SMG6: variants seen among roughly 807,000 people sequenced by gnomAD.
SMG6 encodes the protein telomerase-binding protein EST1A.
SMG6 carries 66 observed loss-of-function variants against 142.2 expected under a neutral mutation model. That is an observed-to-expected ratio of 0.46 (90% confidence interval 0.38 to 0.57). SMG6 has a LOEUF of 0.57. SMG6 is among the 20% of genes least tolerant of loss of function. The pLI, the probability that SMG6 is intolerant of heterozygous loss-of-function variation, is 0.00. For missense variants in SMG6, 1,793 were observed against 1,832.0 expected (o/e 0.98, Z 0.39); for synonymous variants, 779 against 702.4 (o/e 1.11, Z -1.72).
intron 13 of SMG6, chr17:2,127,444 A>G: frequency 1.2e-6 from 1 of 830,046 alleles, no homozygotes; most frequent in Non-Finnish European, 2.0e-6. Context: ...CAGGTGATAA[A>G]ATCCCAGAGC....
At chr17:2,212,651 A>G (rs551215653) in intron 10 of SMG6, 3 of 152,402 alleles carry the variant, frequency 2.0e-5, no homozygotes, top group Admixed American at 1.3e-4. Flanking sequence ...TCAGGCACCA[A>G]CCCTTCATAG....
chr17:2,159,045 G>A (rs1384775798), intron 13 of SMG6, among the ~76,000 whole-genome samples: 1 of 152,062 alleles, frequency 6.6e-6, no homozygotes, highest in Non-Finnish European at 1.5e-5. Context: ...ATGGCCAACA[G>A]ATTAGAACAT....
chr17:2,076,583 C>T (rs1241174718), intron 15 of SMG6, among the ~76,000 whole-genome samples: 1 of 152,218 alleles, frequency 6.6e-6, no homozygotes, highest in Non-Finnish European at 1.5e-5. Context: ...GTTTTACAGC[C>T]ACCTCGGCAC....
At chr17:2,090,181 TCAA>T (rs1567589222) in intron 13 of SMG6, among the ~76,000 whole-genome samples, 1 of 46,170 alleles carries the variant, frequency 2.2e-5, no homozygotes, top group Admixed American at 3.3e-4. Flanking sequence ...AGACTCTGTC[TCAA>T]AAAAAAAAAA....
chr17:2,064,177 GACAAGAGACC>G (rs2067869002), intron 18 of SMG6, among the ~76,000 whole-genome samples: 1 of 152,142 alleles, frequency 6.6e-6, no homozygotes, highest in Admixed American at 6.5e-5. Flanking sequence ...GAAAGGCAAT[GACAAGAGACC>G]ACTTATAGGT....
intron 13 of SMG6, among the ~76,000 whole-genome samples, chr17:2,136,475 G>A (rs1399248242): frequency 2.6e-5 from 4 of 152,040 alleles, no homozygotes; most frequent in Non-Finnish European, 5.9e-5. Flanking sequence ...AAATATCTGT[G>A]GCAAAATGTT....
chr17:2,196,377 G>A (rs1029681844), intron 10 of SMG6, among the ~76,000 whole-genome samples: 12 of 152,164 alleles, frequency 7.9e-5, no homozygotes, highest in Non-Finnish European at 1.3e-4. Context: ...GCAGTGAGCC[G>A]AGAATGCGTC....
Position 2,103,883 on chromosome 17 carries a change from T to C in SMG6, c.3358-17982A>G, listed in dbSNP as rs1287631264. ...GTAAGAAGTCGTCTCAAGATTAGTC[T>C]GCCAGCAACACCTCTGTGATGGCAC... On this transcript the variant is annotated intron_variant, in intron 13 of 18. Transcript: ENST00000263073. 3.9e-5 allele frequency among the ~76,000 whole-genome samples: 6 copies of C among 151,998 alleles called. No homozygotes were observed. The East Asian group carries it at 1.2e-3, about 29-fold the overall frequency.
intron 7 of SMG6, among the ~76,000 whole-genome samples, chr17:2,283,089 A>G (rs531342999): frequency 6.6e-6 from 1 of 152,218 alleles, no homozygotes; most frequent in African/African-American, 2.4e-5. Flanking sequence ...AGAATCACTT[A>G]AATCCGGGAG....
intron 10 of SMG6, among the ~76,000 whole-genome samples, chr17:2,231,153 G>A (rs1224009465): frequency 6.6e-6 from 1 of 152,272 alleles, no homozygotes; most frequent in East Asian, 1.9e-4. Context: ...CACCACAGAG[G>A]AGCATACTGC....
At chr17:2,108,216 A>G (rs1207415167) in intron 13 of SMG6, among the ~76,000 whole-genome samples, 1 of 152,236 alleles carries the variant, frequency 6.6e-6, no homozygotes, top group Non-Finnish European at 1.5e-5. Context: ...AGAAGGAGAC[A>G]TGGGAATCTG....
At chr17:2,174,199 G>C (rs9906968) in intron 12 of SMG6, among the ~76,000 whole-genome samples, 53,887 of 151,992 alleles carry the variant, frequency 0.35, 10,239 homozygotes, top group African/African-American at 0.49. Flanking sequence ...AGGAGTTCAA[G>C]ACCAGCCTGG....
intron 8 of SMG6, among the ~76,000 whole-genome samples, chr17:2,266,758 G>A (rs923394974): frequency 6.6e-6 from 1 of 152,178 alleles, no homozygotes; most frequent in African/African-American, 2.4e-5. Context: ...GGCATTAAGG[G>A]TTTATAGGTA....
chr17:2,290,353 C>T (rs750498237), intron 6 of SMG6, among the ~76,000 whole-genome samples: 3 of 152,226 alleles, frequency 2.0e-5, no homozygotes, highest in African/African-American at 2.4e-5. Context: ...AAAGGCAATT[C>T]GATGGTAAAA....
intron 10 of SMG6, among the ~76,000 whole-genome samples, chr17:2,195,057 T>C (rs1165004786): frequency 6.6e-6 from 1 of 152,166 alleles, no homozygotes; most frequent in East Asian, 1.9e-4. Context: ...GCCTGGGAAG[T>C]CTGAACTGGT....
At chr17:2,274,895 G>C (rs889835796) in intron 8 of SMG6, among the ~76,000 whole-genome samples, 1 of 151,980 alleles carries the variant, frequency 6.6e-6, no homozygotes, top group Non-Finnish European at 1.5e-5. Flanking sequence ...GCTGAGGTGG[G>C]AGGACTGCTT....
At chr17:2,204,862 C>T (rs1372716889) in intron 10 of SMG6, among the ~76,000 whole-genome samples, 1 of 152,022 alleles carries the variant, frequency 6.6e-6, no homozygotes, top group Non-Finnish European at 1.5e-5. Flanking sequence ...AATCAGGAGG[C>T]TTAGGAAGGA....
intron 8 of SMG6, among the ~76,000 whole-genome samples, chr17:2,260,386 C>T (rs1447729925): frequency 6.6e-6 from 1 of 152,204 alleles, no homozygotes; most frequent in East Asian, 1.9e-4. Context: ...TGGTGAGAGA[C>T]TCAGTTTCAC....
intron 10 of SMG6, among the ~76,000 whole-genome samples, chr17:2,201,264 A>G (rs1379787009): frequency 6.6e-6 from 1 of 152,240 alleles, no homozygotes; most frequent in Non-Finnish European, 1.5e-5. Context: ...ATTACTAATC[A>G]TTAGGGAAAT....
Sources: allele counts gnomAD v4.1 joint callset (sites outside exome capture counted in the v4.1 genomes callset), GRCh38; gene constraint gnomAD v4.1.1; transcripts MANE v1.5; gene names NCBI Gene and HGNC (gene_info 2026-07-23, HGNC 2026-07-21).